Variants in RIMBP2 observed in about 807,000 individuals in gnomAD.
The protein encoded by RIMBP2 is RIMS-binding protein 2.
RIMBP2 carries 48 observed loss-of-function variants against 118.6 expected under a neutral mutation model. The observed-to-expected ratio is 0.40, with a 90% CI of 0.32 to 0.51. The LOEUF is 0.51. Among genes scored for constraint, RIMBP2 ranks in the 20% least tolerant of loss-of-function variants. The probability of loss-of-function intolerance (pLI) is 0.41; values close to 1 mark genes in which losing one functional copy is unlikely to be tolerated. For synonymous variants in RIMBP2, 762 were observed against 742.9 expected, an observed-to-expected ratio of 1.03 and a Z score of -0.42; for missense variants, 1,551 against 1,768.3, an observed-to-expected ratio of 0.88 and a Z score of 2.20.
chr12:130,632,015 GAAAC>G (rs2062021888), intron 1 of RIMBP2, among the ~76,000 whole-genome samples: 1 of 152,174 alleles, frequency 6.6e-6, no homozygotes, highest in Non-Finnish European at 1.5e-5. Context: ...TAAACTACAT[GAAAC>G]AAATAGTTAT....
At chr12:130,582,461 C>T (rs1347830922) in intron 2 of RIMBP2, among the ~76,000 whole-genome samples, 1 of 152,188 alleles carries the variant, frequency 6.6e-6, no homozygotes, top group African/African-American at 2.4e-5. Context: ...CTTCCTGCCA[C>T]GCCCGCCCAC....
chr12:130,691,542 C>T (rs1434152964), intron 1 of RIMBP2, among the ~76,000 whole-genome samples: 1 of 152,110 alleles, frequency 6.6e-6, no homozygotes, highest in African/African-American at 2.4e-5. Flanking sequence ...TGTGATGGCC[C>T]ACACTGGAAT....
intron 2 of RIMBP2, among the ~76,000 whole-genome samples, chr12:130,610,301 C>T (rs2060446917): frequency 6.6e-6 from 1 of 152,156 alleles, no homozygotes; most frequent in Non-Finnish European, 1.5e-5. Flanking sequence ...AGGGTCCTCT[C>T]TTCATCAAGT....
rs1566423101 is a variant in RIMBP2, at chr12:130,646,329, GCCTCA to G, written c.-351-17878_-351-17874del. ...TCCCTCACCACTTCCCTCTCCACCTGCCTCACCACCTCCCTCACCACCTCCCTCAC... is the reference window on the plus strand; with the variant it reads ...TCCCTCACCACTTCCCTCTCCACCTGCCACCTCCCTCACCACCTCCCTCAC... On this transcript the variant is annotated intron_variant, in intron 1 of 22. Transcript: ENST00000690449. Among the ~76,000 whole-genome samples the G allele has an allele frequency of 4.9e-3, 13 of 2,678 alleles. 4 individuals are homozygous for G. The highest frequency in any genetic ancestry group is 0.018 in the Admixed American group (5 of 278). The allele number at this position is 2,678 out of a possible 152,430, so 1.8% of individuals were successfully genotyped here. A position where few individuals can be genotyped will look rare whatever the true frequency, so the allele number is the denominator to read the frequency against.
chr12:130,615,133 T>G lies in RIMBP2; in HGVS notation c.-217+13189A>C, dbSNP rs567978277. ...TATATATACATATGTGTATTATGTATACATTATGTATATACATATATATTA... is the reference window on the plus strand; with the variant it reads ...TATATATACATATGTGTATTATGTAGACATTATGTATATACATATATATTA... On this transcript the variant is annotated intron_variant, in intron 2 of 22. Coordinates refer to ENST00000690449, the MANE Select transcript of RIMBP2 (RefSeq NM_001393629.1). Among the ~76,000 whole-genome samples, 6 of 147,402 alleles carry G rather than the reference T, an allele frequency of 4.1e-5. No individual in the cohort carries two copies. In the South Asian group the frequency reaches 1.3e-3, roughly 31 times the overall value.
intron 14 of RIMBP2, chr12:130,432,153 C>T (rs930857999): frequency 8.9e-6 from 4 of 448,636 alleles, no homozygotes; most frequent in African/African-American, 8.0e-5. Context: ...GAGCAGATTG[C>T]AGGGAAGGTG....
chr12:130,668,496 T>C (rs2064050292), intron 1 of RIMBP2: 1 of 152,380 alleles, frequency 6.6e-6, no homozygotes, highest in Non-Finnish European at 1.5e-5. Flanking sequence ...ATGTGTGGGA[T>C]GAGATGGTCA....
In RIMBP2 at chr12:130,523,620, G is replaced by A. The variant is rs7302336; in HGVS notation, c.-216-5703C>T. On this transcript the variant is annotated intron_variant, in intron 2 of 22. Coordinates refer to ENST00000690449, the MANE Select transcript of RIMBP2 (RefSeq NM_001393629.1). The surrounding 1 kb of genome is among the most constrained non-coding windows in gnomAD (Gnocchi z 4.4). ...TTCTCTGGGGGAGAAACTGACAAGA[G>A]AAAGGAAAAAGCACGTTCTTTCAAT... Among the ~76,000 whole-genome samples, 24,267 of 152,152 alleles carry A rather than the reference G, an allele frequency of 0.16. 2,169 individuals are homozygous for A. The highest frequency in any genetic ancestry group is 0.23 in the African/African-American group (9,394 of 41,512).
rs114944005 is a variant in RIMBP2 at position 130,605,596 on chromosome 12, A to G, written c.-217+22726T>C. On this transcript the variant is annotated intron_variant, in intron 2 of 22. Transcript: ENST00000690449. The stretch of plus-strand genomic sequence containing the variant: ...TTTTAATGATGCATGATAAAGTAGT[A>G]ATAAAGTGACAATATCTACAACTTT... 9.3e-3 allele frequency among the ~76,000 whole-genome samples: 1,418 copies of G among 152,348 alleles called. 29 individuals carry two copies. The highest frequency in any genetic ancestry group is 0.032 in the African/African-American group (1,349 of 41,580).
chr12:130,490,818 C>T (rs1412003524), intron 4 of RIMBP2, among the ~76,000 whole-genome samples: 2 of 152,152 alleles, frequency 1.3e-5, no homozygotes, highest in Non-Finnish European at 2.9e-5. Context: ...GGCCAGTCCA[C>T]AGGACTAAAA....
chr12:130,428,401 T>A lies in RIMBP2; in HGVS notation c.2254-64A>T, dbSNP rs1431493491. 2.1e-5 allele frequency: 32 copies of A among 1,527,122 alleles called. No homozygotes were observed. In the East Asian group the frequency reaches 7.3e-4, roughly 35 times the overall value. The allele number at this position is 1,527,122 out of a possible 1,614,324, so 94.6% of individuals were successfully genotyped here. A position where few individuals can be genotyped will look rare whatever the true frequency, so the allele number is the denominator to read the frequency against. ...CTCCCGCATCCTACAAGAGGCCAGA[T>A]TGAGCTTGCCAACCCTTTCCCTGCT... On this transcript the variant is annotated intron_variant, in intron 14 of 22. Coordinates refer to ENST00000690449, the MANE Select transcript of RIMBP2 (RefSeq NM_001393629.1).
At chr12:130,445,520 A>T (rs561461574) in intron 9 of RIMBP2, among the ~76,000 whole-genome samples, 1 of 152,226 alleles carries the variant, frequency 6.6e-6, no homozygotes, top group African/African-American at 2.4e-5. Context: ...TTTGCATCAG[A>T]TAACAGGTTT....
chr12:130,442,932 C>T lies in RIMBP2; in HGVS notation c.692-272G>A. 6.6e-6 allele frequency among the ~76,000 whole-genome samples: 1 copy of T among 152,172 alleles called. No individual in the cohort carries two copies. ...ATGTTTGTGTATCCGTGTACGTACA[C>T]TGACTACCCCCTCCCAACACGAACA... is the stretch of plus-strand genomic sequence containing the variant. On this transcript the variant is annotated intron_variant, in intron 10 of 22. Coordinates refer to ENST00000690449, the MANE Select transcript of RIMBP2 (RefSeq NM_001393629.1). This position sits in a 1 kb window ranked among gnomAD's most constrained non-coding sequence, Gnocchi z 6.9.
In RIMBP2 at chr12:130,523,210, G is replaced by T. The variant is rs539373426; in HGVS notation, c.-216-5293C>A. Among the ~76,000 whole-genome samples, 8 of 151,928 alleles carry T rather than the reference G, an allele frequency of 5.3e-5. No individual in the cohort carries two copies. The highest frequency in any genetic ancestry group is 1.9e-4 in the African/African-American group (8 of 41,314). On this transcript the variant is annotated intron_variant, in intron 2 of 22. Coordinates refer to ENST00000690449, the MANE Select transcript of RIMBP2 (RefSeq NM_001393629.1). The surrounding 1 kb of genome is among the most constrained non-coding windows in gnomAD (Gnocchi z 4.4). Reference sequence around the variant, plus strand: ...GTCTCTATTTCTCTGTGTTGGGGGGGGTTTCTCTGCCTCCATCTCTCTCTG... The same window carrying T: ...GTCTCTATTTCTCTGTGTTGGGGGGTGTTTCTCTGCCTCCATCTCTCTCTG...
chr12:130,413,299 A>C (rs10848097), intron 18 of RIMBP2, among the ~76,000 whole-genome samples: 99,339 of 151,850 alleles, frequency 0.65, 32,825 homozygotes, highest in East Asian at 0.78. Flanking sequence ...ACTGAACAGC[A>C]CACTTTCTCT....
chr12:130,573,391 CGCGTGTGTGTGCGACTGTGT>C, intron 2 of RIMBP2, among the ~76,000 whole-genome samples: 1 of 100,814 alleles, frequency 9.9e-6, no homozygotes, highest in East Asian at 2.5e-4. Flanking sequence ...TAAGTGTTCG[CGCGTGTGTGTGCGACTGTGT>C]GCGTGTGAGT....
chr12:130,644,424 G>A (rs59617988), intron 1 of RIMBP2, among the ~76,000 whole-genome samples: 4,821 of 152,236 alleles, frequency 0.032, 240 homozygotes, highest in African/African-American at 0.11. Context: ...AAATACAATC[G>A]CACATCGATC....
At chr12:130,646,118 A>T (rs183336081) in intron 1 of RIMBP2, among the ~76,000 whole-genome samples, 1,703 of 62,084 alleles carry the variant, frequency 0.027, 88 homozygotes, top group East Asian at 0.069. Context: ...CACCTCCCTC[A>T]CCACCTGCCT....
chr12:130,655,151 A>C (rs959472918), intron 1 of RIMBP2, among the ~76,000 whole-genome samples: 4 of 152,142 alleles, frequency 2.6e-5, no homozygotes, highest in Admixed American at 1.3e-4. Context: ...CTACAGGGAG[A>C]GAATGGGGTG....
Sources: gnomAD v4.1 joint callset for allele counts (sites outside exome capture counted in the v4.1 genomes callset) on GRCh38, gnomAD v4.1.1 for gene constraint, Gnocchi (gnomAD v3.1) non-coding constraint, MANE v1.5 for transcripts, NCBI Gene and HGNC (gene_info 2026-07-23, HGNC 2026-07-21) for gene names.